Variants in COL5A2 observed in about 807,000 individuals in gnomAD.
The protein encoded by COL5A2 is collagen alpha-2(V) chain.
In COL5A2, 23 loss-of-function variants were observed where a neutral mutation model predicts 208.2. That is an observed-to-expected ratio of 0.11 (90% CI 0.08 to 0.16). The LOEUF is 0.16. COL5A2 is among the 10% of genes least tolerant of loss of function. The pLI is 1.00. For synonymous variants in COL5A2, 625 were observed against 628.5 expected, an observed-to-expected ratio of 0.99 and a Z score of 0.08; for missense variants, 1,590 against 1,956.4, an observed-to-expected ratio of 0.81 and a Z score of 3.53.
chr2:189,174,034 T>C (rs959310351), intron 1 of COL5A2, among the ~76,000 whole-genome samples: 1 of 152,244 alleles, frequency 6.6e-6, no homozygotes, highest in Non-Finnish European at 1.5e-5. Flanking sequence ...CAGGTGATGA[T>C]GCATTAATCA....
At chr2:189,072,169 C>T (rs1473746996) in intron 17 of COL5A2, 76 bp from the exon 18 acceptor site, 12 of 1,035,150 alleles carry the variant, frequency 1.2e-5, no homozygotes, top group South Asian at 2.7e-5. Flanking sequence ...TAGAGTTTGG[C>T]GTCATTTTGT....
At chr2:189,324,080 C>T in the COL5A2 span, among the ~76,000 whole-genome samples, 2 of 152,132 alleles carry the variant, frequency 1.3e-5, no homozygotes, top group Admixed American at 1.3e-4. Flanking sequence ...CAAAGGATTC[C>T]CTATTTAATA....
At chr2:189,045,327 TGC>T in intron 46 of COL5A2, 95 bp from the exon 47 acceptor site, 6 of 756,320 alleles carry the variant, frequency 7.9e-6, no homozygotes, top group Non-Finnish European at 2.3e-6. Flanking sequence ...TATAGTTGGA[TGC>T]ATATATATAT....
the COL5A2 span, among the ~76,000 whole-genome samples, chr2:189,268,156 A>G: frequency 6.6e-6 from 1 of 152,140 alleles, no homozygotes; most frequent in Non-Finnish European, 1.5e-5. Context: ...TTTGAAATAA[A>G]TTTTAAAAGG....
the COL5A2 span, among the ~76,000 whole-genome samples, chr2:189,428,260 C>T: frequency 4.6e-5 from 7 of 152,084 alleles, no homozygotes; most frequent in Non-Finnish European, 1.0e-4. Flanking sequence ...GGTGGTTTCT[C>T]ATGAATTATT....
chr2:189,104,682 T>C (rs992933450), intron 2 of COL5A2, among the ~76,000 whole-genome samples: 3 of 151,800 alleles, frequency 2.0e-5, no homozygotes, highest in Admixed American at 2.0e-4. Context: ...CACTAAAAAA[T>C]GTCATTCCAT....
chr2:189,418,053 T>G, the COL5A2 span, among the ~76,000 whole-genome samples: 51 of 152,214 alleles, frequency 3.4e-4, no homozygotes, highest in Middle Eastern at 3.4e-3. Context: ...GGGACAGAAT[T>G]CAAAATGTAC....
chr2:189,303,070 G>T, the COL5A2 span, among the ~76,000 whole-genome samples: 3 of 152,156 alleles, frequency 2.0e-5, no homozygotes, highest in African/African-American at 7.2e-5. Flanking sequence ...GAAGGAAAAA[G>T]AAATTTGCAC....
intron 1 of COL5A2, among the ~76,000 whole-genome samples, chr2:189,126,607 T>C (rs1467689587): frequency 6.6e-6 from 1 of 152,064 alleles, no homozygotes; most frequent in Non-Finnish European, 1.5e-5. Flanking sequence ...GTAAAGCATG[T>C]AAGTCAAATT....
At chr2:189,224,688 C>CA (rs57628574) in intron 1 of COL5A2, among the ~76,000 whole-genome samples, 11 of 148,632 alleles carry the variant, frequency 7.4e-5, no homozygotes, top group Non-Finnish European at 1.2e-4. Context: ...GACTCTGTCT[C>CA]AAAAAAAAAT....
the COL5A2 span, among the ~76,000 whole-genome samples, chr2:189,324,594 T>C: frequency 1.5e-4 from 9 of 58,618 alleles, no homozygotes; most frequent in Admixed American, 5.1e-4. Context: ...ATGAGAGAAA[T>C]GCAAATCTAA....
the COL5A2 span, among the ~76,000 whole-genome samples, chr2:189,363,587 C>T: frequency 3.9e-5 from 6 of 152,024 alleles, no homozygotes; most frequent in East Asian, 7.7e-4. Flanking sequence ...TTATTACTTA[C>T]GGAAATAATA....
At chr2:189,052,606 G>A (rs1685814463) in intron 40 of COL5A2, 143 bp downstream of exon 40, 3 of 860,248 alleles carry the variant, frequency 3.5e-6, no homozygotes, top group Non-Finnish European at 5.7e-6. Flanking sequence ...TCTGAGTTAA[G>A]TGCCCTTTGC....
At chr2:189,091,178 G>A in intron 7 of COL5A2, among the ~76,000 whole-genome samples, 1 of 152,180 alleles carries the variant, frequency 6.6e-6, no homozygotes, top group East Asian at 1.9e-4. Flanking sequence ...ATTGGGGGAA[G>A]TAATTGCAGA....
chr2:189,184,667 C>A (rs933970570), upstream of COL5A2, among the ~76,000 whole-genome samples: 1 of 152,176 alleles, frequency 6.6e-6, no homozygotes, highest in African/African-American at 2.4e-5. Context: ...CTTTTACAGA[C>A]CCATGTGACT....
At chr2:189,417,055 A>AT in the COL5A2 span, among the ~76,000 whole-genome samples, 25 of 152,210 alleles carry the variant, frequency 1.6e-4, no homozygotes, top group Middle Eastern at 3.4e-3. Flanking sequence ...ATACATAGCT[A>AT]TTTTTTATGG....
the COL5A2 span, among the ~76,000 whole-genome samples, chr2:189,392,124 A>T: frequency 6.6e-6 from 1 of 152,164 alleles, no homozygotes; most frequent in African/African-American, 2.4e-5. Context: ...TTTTACATTT[A>T]TGTATCAAGT....
the COL5A2 span, among the ~76,000 whole-genome samples, chr2:189,298,547 C>T: frequency 6.6e-6 from 1 of 152,158 alleles, no homozygotes; most frequent in Non-Finnish European, 1.5e-5. Context: ...TTTGCTACAC[C>T]AGATGGTGGG....
the COL5A2 span, among the ~76,000 whole-genome samples, chr2:189,283,449 A>G: frequency 6.6e-6 from 1 of 152,140 alleles, no homozygotes; most frequent in Non-Finnish European, 1.5e-5. Flanking sequence ...TGAGACAAAA[A>G]TAAAACAAAT....
Sources: gnomAD v4.1 joint callset for allele counts (sites outside exome capture counted in the v4.1 genomes callset) on GRCh38, gnomAD v4.1.1 for gene constraint, MANE v1.5 for transcripts, NCBI Gene and HGNC (gene_info 2026-07-23, HGNC 2026-07-21) for gene names.